Variants in NDRG3 observed in about 807,000 individuals in gnomAD.
NDRG3 encodes protein NDRG3.
NDRG3 carries 23 observed loss-of-function variants against 57.2 expected under a neutral mutation model. The observed-to-expected ratio is 0.40, with a 90% confidence interval of 0.29 to 0.57. The LOEUF (loss-of-function observed/expected upper bound fraction) is 0.57, where lower values mean the gene tolerates loss of function less well. NDRG3 is among the 20% of genes least tolerant of loss of function. The pLI is 0.42. For missense variants in NDRG3, 384 were observed against 457.3 expected (o/e 0.84, Z 1.46); for synonymous variants, 132 against 162.6 (o/e 0.81, Z 1.43).
intron 15 of NDRG3, among the ~76,000 whole-genome samples, chr20:36,654,440 A>G (rs1245124008): frequency 6.6e-6 from 1 of 152,134 alleles, no homozygotes; most frequent in African/African-American, 2.4e-5. Flanking sequence ...TCATCTGCAG[A>G]GTTCTCTGGG....
intron 3 of NDRG3, among the ~76,000 whole-genome samples, chr20:36,694,745 T>TTTTA (rs373979225): frequency 0.018 from 2,704 of 152,108 alleles, 66 homozygotes; most frequent in African/African-American, 0.059. Flanking sequence ...TTTCAAGGCC[T>TTTTA]TTTATTTATT....
rs1176947610 is a variant in NDRG3, at chr20:36,699,820, T to C, written c.93+7152A>G. ...AACAGGTGGGGGTAAAAGACAATACTTTAAAAGTAGATGAGGGAGGCCGGG... is the reference window on the plus strand; with the variant it reads ...AACAGGTGGGGGTAAAAGACAATACCTTAAAAGTAGATGAGGGAGGCCGGG... On this transcript the variant is annotated intron_variant, in intron 3 of 15. Coordinates refer to ENST00000349004, the MANE Select transcript of NDRG3 (RefSeq NM_032013.4). Among the ~76,000 whole-genome samples, 3 of 151,696 alleles carry C rather than the reference T, an allele frequency of 2.0e-5. No homozygotes were observed. The East Asian group carries it at 5.8e-4, about 29-fold the overall frequency.
intron 2 of NDRG3, 66 bp downstream of exon 2, chr20:36,721,613 A>G: frequency 1.1e-6 from 1 of 934,238 alleles, no homozygotes; most frequent in Non-Finnish European, 1.7e-6. Flanking sequence ...TAGATGATAC[A>G]GAAAATGAAA....
At chr20:36,723,671 T>A (rs1433961829) in intron 1 of NDRG3, among the ~76,000 whole-genome samples, 2 of 150,200 alleles carry the variant, frequency 1.3e-5, no homozygotes, top group Non-Finnish European at 3.0e-5. Context: ...TGTGTGTGTG[T>A]GTGTGTGTGT....
Position 36,684,414 on chromosome 20 carries a change from T to A in NDRG3, c.382A>T (p.Ser128Cys). The A allele has an allele frequency of 6.2e-7, 1 of 1,613,496 alleles. No individual in the cohort carries two copies. ...TGAAAGACTGCAGAATGAACCTACCTTAGGTGGGTAAGAACAGGAGGCAGC... is the reference window on the plus strand; with the variant it reads ...TGAAAGACTGCAGAATGAACCTACCATAGGTGGGTAAGAACAGGAGGCAGC... ...EMLPPVLTHL[S>C]LKSIIGIGVG... The change falls in exon 6 of 16, where the codon AGC (serine) becomes TGC (cysteine). Residue 128 changes from serine (S) to cysteine (C), a missense_variant and splice_region_variant. Coordinates refer to ENST00000349004, the MANE Select transcript of NDRG3 (RefSeq NM_032013.4).
intron 3 of NDRG3, among the ~76,000 whole-genome samples, chr20:36,693,040 A>C (rs1982395506): frequency 7.8e-6 from 1 of 128,068 alleles, no homozygotes. Context: ...ACAATACTGT[A>C]CTCCAGCCGG....
At chr20:36,722,684 G>C (rs961575684) in intron 1 of NDRG3, among the ~76,000 whole-genome samples, 2 of 152,138 alleles carry the variant, frequency 1.3e-5, no homozygotes, top group African/African-American at 4.8e-5. Flanking sequence ...TCCTCATTTG[G>C]GGAATCACAG....
intron 1 of NDRG3, among the ~76,000 whole-genome samples, chr20:36,732,158 C>T (rs1447265285): frequency 6.6e-6 from 1 of 152,126 alleles, no homozygotes; most frequent in Non-Finnish European, 1.5e-5. Context: ...TAGAATCTAA[C>T]ATTTCTGAAT....
intron 2 of NDRG3, among the ~76,000 whole-genome samples, chr20:36,710,037 AGGCCGGGCACAGT>A (rs1204624504): frequency 3.3e-5 from 5 of 152,162 alleles, no homozygotes; most frequent in African/African-American, 1.2e-4. Flanking sequence ...AAAGACTAAA[AGGCCGGGCACAGT>A]GGCTCATGCC....
intron 2 of NDRG3, among the ~76,000 whole-genome samples, chr20:36,715,261 T>C (rs1447791476): frequency 6.6e-6 from 1 of 151,158 alleles, no homozygotes; most frequent in East Asian, 2.0e-4. Flanking sequence ...ATCTCTTGCC[T>C]CCTGTAACTG....
intron 3 of NDRG3, among the ~76,000 whole-genome samples, chr20:36,699,397 G>A (rs954199917): frequency 3.3e-5 from 5 of 152,238 alleles, no homozygotes; most frequent in East Asian, 1.9e-4. Context: ...AGAATAAAGC[G>A]GGGGGAGGCA....
intron 12 of NDRG3, among the ~76,000 whole-genome samples, chr20:36,664,663 C>T (rs141645999): frequency 5.3e-5 from 8 of 152,150 alleles, no homozygotes; most frequent in Admixed American, 2.6e-4. Context: ...TAGTATTTAC[C>T]GACTGTTTCT....
At chr20:36,669,182 G>A (rs537748871) in intron 9 of NDRG3, among the ~76,000 whole-genome samples, 27 of 149,916 alleles carry the variant, frequency 1.8e-4, no homozygotes, top group Non-Finnish European at 3.0e-4. Flanking sequence ...TCAGCCTCCC[G>A]AGTAGCTGGG....
intron 3 of NDRG3, among the ~76,000 whole-genome samples, chr20:36,702,046 C>T (rs1983262642): frequency 6.6e-6 from 1 of 152,188 alleles, no homozygotes; most frequent in South Asian, 2.1e-4. Flanking sequence ...ATCACTAAAT[C>T]ATGATCATTT....
chr20:36,654,932 T>C, intron 15 of NDRG3: 1 of 758,504 alleles, frequency 1.3e-6, no homozygotes. Context: ...GACAGAATAC[T>C]CTAAGCCAGG....
At chr20:36,705,164 T>TA (rs1020949994) in intron 3 of NDRG3, among the ~76,000 whole-genome samples, 14 of 149,444 alleles carry the variant, frequency 9.4e-5, no homozygotes, top group Non-Finnish European at 1.8e-4. Flanking sequence ...TACTAAAAAT[T>TA]AAAAAAAATT....
intron 2 of NDRG3, among the ~76,000 whole-genome samples, chr20:36,711,247 C>A (rs1983860217): frequency 6.6e-6 from 1 of 151,318 alleles, no homozygotes. Flanking sequence ...CCACTGCACT[C>A]CAGCCTGGGC....
intron 1 of NDRG3, 59 bp from the exon 2 acceptor site, chr20:36,721,842 T>A (rs1026543435): frequency 1.2e-5 from 9 of 746,378 alleles, no homozygotes; most frequent in Admixed American, 1.2e-4. Flanking sequence ...GGAAACATAA[T>A]AGTCACAGTA....
chr20:36,734,319 A>ATCAC (rs1212777566), intron 1 of NDRG3, among the ~76,000 whole-genome samples: 1 of 152,218 alleles, frequency 6.6e-6, no homozygotes, highest in East Asian at 1.9e-4. Context: ...TATGCCCTAA[A>ATCAC]TCACACTTTC....
Sources: gnomAD v4.1 joint callset for allele counts (sites outside exome capture counted in the v4.1 genomes callset) on GRCh38, gnomAD v4.1.1 for gene constraint, MANE v1.5 for transcripts, NCBI Gene and HGNC (gene_info 2026-07-23, HGNC 2026-07-21) for gene names.